Variants in ATRX observed in about 807,000 individuals in gnomAD.
ATRX encodes the protein chromatin remodeler ATRX.
In ATRX, 12 loss-of-function variants were observed where a neutral mutation model predicts 172.6. The ratio of observed to expected loss-of-function variants is 0.07; its 90% CI spans 0.04 to 0.11. ATRX has a LOEUF of 0.11. Ranked by LOEUF, ATRX falls within the 10% of genes least tolerant of loss-of-function variation. ATRX has a pLI of 1.00. For missense variants in ATRX, 1,368 were observed against 1,767.4 expected (o/e 0.77, Z 4.05); for synonymous variants, 674 against 594.7 (o/e 1.13, Z -1.94).
chrX:77,526,229 A>ATTCC (rs1980041219), intron 30 of ATRX, among the ~76,000 whole-genome samples: 1 of 112,107 alleles, frequency 8.9e-6, no homozygotes, highest in Non-Finnish European at 1.9e-5. Context: ...TCCCAGAACT[A>ATTCC]TTCCCTTAGA....
chrX:77,535,458 T>A (rs972228751), intron 30 of ATRX, among the ~76,000 whole-genome samples: 3 of 112,150 alleles, frequency 2.7e-5, no homozygotes, highest in Non-Finnish European at 5.6e-5. Context: ...AAAAATTGGA[T>A]ATCCATTACA....
intron 15 of ATRX, among the ~76,000 whole-genome samples, chrX:77,643,121 C>T (rs1212553469): frequency 8.9e-6 from 1 of 111,766 alleles, no homozygotes; most frequent in Non-Finnish European, 1.9e-5. Flanking sequence ...CCAGAGGGAG[C>T]AAAGCAGATG....
intron 28 of ATRX, among the ~76,000 whole-genome samples, chrX:77,562,018 G>A (rs782519263): frequency 5.4e-5 from 6 of 111,652 alleles, no homozygotes; most frequent in African/African-American, 1.6e-4. Context: ...TTATCCCTTC[G>A]TATTCATGCC....
At chrX:77,581,983 A>C (rs781936243) in intron 27 of ATRX, among the ~76,000 whole-genome samples, 1 of 112,372 alleles carries the variant, frequency 8.9e-6, no homozygotes, top group Non-Finnish European at 1.9e-5. Flanking sequence ...AAAAATGATA[A>C]TGGAAACACA....
intron 32 of ATRX, 28 bp downstream of exon 32, chrX:77,522,235 C>G (rs2147747166): frequency 4.1e-6 from 5 of 1,209,635 alleles, no homozygotes; most frequent in Non-Finnish European, 5.6e-6. Context: ...TAATTCATGT[C>G]AAACTACTTT....
At chrX:77,764,988 C>T (rs1192077377) in intron 1 of ATRX, among the ~76,000 whole-genome samples, 1 of 111,096 alleles carries the variant, frequency 9.0e-6, no homozygotes, top group African/African-American at 3.3e-5. Flanking sequence ...CCAGCCTCGC[C>T]GACATGGTGA....
chrX:77,526,839 T>G, intron 30 of ATRX, among the ~76,000 whole-genome samples: 1 of 112,126 alleles, frequency 8.9e-6, no homozygotes, highest in Middle Eastern at 4.6e-3. Flanking sequence ...AATTCCAGAT[T>G]TAAAACCTAT....
At chrX:77,513,295 C>A (rs1424648718) in intron 34 of ATRX, among the ~76,000 whole-genome samples, 4 of 80,962 alleles carry the variant, frequency 4.9e-5, no homozygotes, top group Non-Finnish European at 6.6e-5. Context: ...CCAGCCTGGG[C>A]GACAGAGCGA....
intron 15 of ATRX, among the ~76,000 whole-genome samples, chrX:77,642,853 C>G (rs190350823): frequency 1.2e-3 from 130 of 111,179 alleles, no homozygotes; most frequent in African/African-American, 4.2e-3. Context: ...AACATCTTAG[C>G]CAGGCATGGT....
chrX:77,514,110 G>A (rs2062974167), intron 34 of ATRX, among the ~76,000 whole-genome samples: 1 of 111,821 alleles, frequency 8.9e-6, no homozygotes, highest in Admixed American at 9.5e-5. Context: ...AATTAGAGAT[G>A]TCAAAACAAA....
intron 19 of ATRX, among the ~76,000 whole-genome samples, chrX:77,628,419 T>C (rs2067968275): frequency 8.9e-6 from 1 of 112,474 alleles, no homozygotes; most frequent in South Asian, 3.6e-4. Flanking sequence ...CAAATAAAGG[T>C]TTTGTCACAT....
At chrX:77,716,126 T>C (rs2073375704) in intron 2 of ATRX, among the ~76,000 whole-genome samples, 1 of 25,010 alleles carries the variant, frequency 4.0e-5, no homozygotes, top group African/African-American at 7.5e-5. Context: ...TTTTTTTTTT[T>C]TTTTTTTTTT....
chrX:77,619,032 CTT>C (rs1373608645), intron 20 of ATRX, 51 bp from the exon 21 acceptor site: 2 of 947,979 alleles, frequency 2.1e-6, no homozygotes, highest in Non-Finnish European at 3.0e-6. Context: ...GTTAAAAAGA[CTT>C]AGAAAAATTC....
intron 2 of ATRX, among the ~76,000 whole-genome samples, chrX:77,700,796 A>G (rs1557153008): frequency 8.9e-6 from 1 of 112,457 alleles, no homozygotes; most frequent in Non-Finnish European, 1.9e-5. Flanking sequence ...GAAAGGTTAC[A>G]TACATATGAT....
chrX:77,636,966 GAAA>G (rs1289012194), intron 15 of ATRX, among the ~76,000 whole-genome samples: 1 of 98,406 alleles, frequency 1.0e-5, no homozygotes, highest in African/African-American at 4.0e-5. Flanking sequence ...GGAGGAGGAA[GAAA>G]AAAGAAGAAG....
At chrX:77,670,239 A>G (rs984147381) in intron 10 of ATRX, among the ~76,000 whole-genome samples, 5 of 111,986 alleles carry the variant, frequency 4.5e-5, no homozygotes, top group Admixed American at 2.9e-4. Flanking sequence ...ACAATATCAT[A>G]ATAGAGTACT....
intron 15 of ATRX, among the ~76,000 whole-genome samples, chrX:77,643,112 C>G (rs1203240042): frequency 8.9e-6 from 1 of 111,822 alleles, no homozygotes; most frequent in Non-Finnish European, 1.9e-5. Flanking sequence ...TCCCACAAAC[C>G]AGAGGGAGCA....
intron 1 of ATRX, among the ~76,000 whole-genome samples, chrX:77,773,223 T>C (rs1242994170): frequency 9.1e-6 from 1 of 109,607 alleles, no homozygotes; most frequent in Non-Finnish European, 1.9e-5. Flanking sequence ...CACTTTAACA[T>C]GAAACATTCA....
At chrX:77,768,200 A>C (rs1455756430) in intron 1 of ATRX, among the ~76,000 whole-genome samples, 3 of 112,110 alleles carry the variant, frequency 2.7e-5, no homozygotes, top group African/African-American at 6.5e-5. Flanking sequence ...AAATCAAGTT[A>C]TTATCGCTTA....
Sources: gnomAD v4.1 joint callset for allele counts (sites outside exome capture counted in the v4.1 genomes callset) on GRCh38, gnomAD v4.1.1 for gene constraint, MANE v1.5 for transcripts, NCBI Gene and HGNC (gene_info 2026-07-23, HGNC 2026-07-21) for gene names.